SFSWAP: variants seen among roughly 807,000 people sequenced by gnomAD.
The protein encoded by SFSWAP is splicing factor SWAP.
A neutral mutation model predicts 100.7 loss-of-function variants in SFSWAP; 17 were observed. The observed-to-expected ratio is 0.17, with a 90% CI of 0.12 to 0.25. The LOEUF is 0.25. Ranked by LOEUF, SFSWAP falls within the 10% of genes least tolerant of loss-of-function variation. SFSWAP has a pLI of 1.00. For missense variants in SFSWAP, 1,005 were observed against 1,262.6 expected, an observed-to-expected ratio of 0.80 and a Z score of 3.09; for synonymous variants, 504 against 510.1, an observed-to-expected ratio of 0.99 and a Z score of 0.16.
Position 131,719,437 on chromosome 12 carries a change from A to T in SFSWAP, c.521-17A>T. 6.2e-7 allele frequency: 1 copy of T among 1,608,818 alleles called. No homozygotes were observed. Among genetic ancestry groups the T allele is most frequent in the Non-Finnish European group, 8.5e-7 (1 of 1,175,388 alleles). ...TCCCTGCATTGTTCTGAATTTTTTA[A>T]TTTTCTTTTTATGCAGAAAAAAATG... On this transcript the variant is annotated splice_polypyrimidine_tract_variant and intron_variant, in intron 3 of 17. Transcript: ENST00000261674.
intron 13 of SFSWAP, among the ~76,000 whole-genome samples, chr12:131,769,055 A>G: frequency 6.6e-6 from 1 of 152,100 alleles, no homozygotes; most frequent in East Asian, 1.9e-4. Flanking sequence ...TGAACCTGGC[A>G]GGCAGAGGTT....
intron 14 of SFSWAP, chr12:131,785,308 C>T (rs1036352132): frequency 4.7e-5 from 64 of 1,351,836 alleles, no homozygotes; most frequent in Non-Finnish European, 6.0e-5. Flanking sequence ...CGATTCTGTC[C>T]GTTAAAGGGC....
In SFSWAP at chr12:131,711,310, C is replaced by T. The variant is rs114898155; in HGVS notation, c.81C>T (p.Gly27=). Residue 27 remains glycine, a synonymous_variant, in exon 1 of 18, where the codon GGC becomes GGT. Transcript: ENST00000261674. The surrounding 1 kb of genome is among the most constrained non-coding windows in gnomAD (Gnocchi z 4.9). Reference sequence around the variant, plus strand: ...AGGAGGCCGGGCCAGGCGGTGCCGGCGGTGGGGGCAGCCGAGTGGAGCTCT... The same window carrying T: ...AGGAGGCCGGGCCAGGCGGTGCCGGTGGTGGGGGCAGCCGAGTGGAGCTCT... ...AKEEAGPGGA[G]GGGSRVELLV... is the part of the protein sequence containing the mutation. 2,448 of 1,613,258 alleles carry T rather than the reference C, an allele frequency of 1.5e-3. 33 individuals are homozygous for T. In the African/African-American group the frequency reaches 0.029, roughly 19 times the overall value.
chr12:131,731,717 T>C (rs1037957104), intron 7 of SFSWAP, among the ~76,000 whole-genome samples: 5 of 152,148 alleles, frequency 3.3e-5, no homozygotes, highest in East Asian at 3.8e-4. Context: ...GTTCATTATA[T>C]GTAGTTTCCA....
In SFSWAP at chr12:131,753,256, C is replaced by A. The variant is rs1375330076; in HGVS notation, c.1215C>A (p.Ser405=). The A allele has an allele frequency of 6.2e-7, 1 of 1,613,976 alleles. No homozygotes were observed. The highest frequency in any genetic ancestry group is 2.2e-5 in the East Asian group (1 of 44,878). Residue 405 remains serine (S), a synonymous_variant, in exon 8 of 18, where the codon TCC becomes TCA. Coordinates refer to ENST00000261674, the MANE Select transcript of SFSWAP (RefSeq NM_004592.4). ...TLPAGVTVSN[S]PGVTTTAPPP... is the part of the protein sequence containing the mutation. The stretch of plus-strand genomic sequence containing the variant: ...CTGCTGGCGTGACCGTGTCTAACTC[C>A]CCTGGAGTGACGACCACCGCCCCAC...
In SFSWAP at chr12:131,778,344, G is replaced by A. The variant is rs201663438; in HGVS notation, c.2408+14G>A. The A allele has an allele frequency of 4.4e-6, 7 of 1,608,212 alleles. No individual in the cohort carries two copies. The highest frequency in any genetic ancestry group is 1.7e-4 in the Middle Eastern group (1 of 6,026). On this transcript the variant is annotated intron_variant, in intron 14 of 17. Coordinates refer to ENST00000261674, the MANE Select transcript of SFSWAP (RefSeq NM_004592.4). The surrounding 1 kb of genome is among the most constrained non-coding windows in gnomAD (Gnocchi z 4.2). ...GCGGCGGTCGAGGTGGGTGTGAAGG[G>A]GGCAGCACCTCTGGTACCCTCATGA...
intron 6 of SFSWAP, 142 bp from the exon 7 acceptor site, chr12:131,728,151 G>C (rs948241521): frequency 2.2e-5 from 20 of 894,310 alleles, no homozygotes; most frequent in Non-Finnish European, 3.4e-5. Context: ...GCCACAACTC[G>C]TTAGGACCTC....
intron 11 of SFSWAP, among the ~76,000 whole-genome samples, chr12:131,761,849 C>T: frequency 6.6e-6 from 1 of 152,184 alleles, no homozygotes; most frequent in Admixed American, 6.5e-5. Context: ...TGGGAAGCCT[C>T]TCAGTGTCCA....
intron 7 of SFSWAP, among the ~76,000 whole-genome samples, chr12:131,742,621 C>G (rs968510839): frequency 1.4e-5 from 2 of 148,052 alleles, no homozygotes; most frequent in Non-Finnish European, 3.0e-5. Context: ...CAAGTCTTCT[C>G]TTGTTGGGGG....
Position 131,733,863 on chromosome 12 carries a change from C to T in SFSWAP, c.1081+5435C>T, listed in dbSNP as rs375745686. Among the ~76,000 whole-genome samples, 3 of 152,106 alleles carry T rather than the reference C, an allele frequency of 2.0e-5. No individual in the cohort carries two copies. In the East Asian group the frequency reaches 5.8e-4, roughly 29 times the overall value. The stretch of plus-strand genomic sequence containing the variant: ...GGTCCTGGCACCTGCCCCTCCACTC[C>T]CCATGCAGCTTCATCCTCCAGGGCG... On this transcript the variant is annotated intron_variant, in intron 7 of 17. Transcript: ENST00000261674. The surrounding 1 kb of genome is among the most constrained non-coding windows in gnomAD (Gnocchi z 5.1).
intron 14 of SFSWAP, chr12:131,785,846 A>G: frequency 6.5e-6 from 1 of 153,220 alleles, no homozygotes; most frequent in Non-Finnish European, 1.5e-5. Context: ...GCTTCATGCC[A>G]GCGCACCACA....
rs1477253404 is a variant in SFSWAP, at chr12:131,794,878, G to A, written c.2535-2300G>A. ...CAGCAAGGGCTTAGATCAGATTGTA[G>A]CAGAATTGAACCAGTTTGCAGTTAA... On this transcript the variant is annotated intron_variant, in intron 15 of 17. Transcript: ENST00000261674. This position sits in a 1 kb window ranked among gnomAD's most constrained non-coding sequence, Gnocchi z 4.8. 6.6e-6 allele frequency among the ~76,000 whole-genome samples: 1 copy of A among 152,224 alleles called. No individual in the cohort carries two copies. The highest frequency in any genetic ancestry group is 1.9e-4 in the East Asian group (1 of 5,196).
At chr12:131,716,807 A>G (rs894494280) in intron 3 of SFSWAP, among the ~76,000 whole-genome samples, 3 of 152,186 alleles carry the variant, frequency 2.0e-5, no homozygotes, top group African/African-American at 7.2e-5. Context: ...CCTATTCTAG[A>G]TGATGGACCA....
intron 7 of SFSWAP, among the ~76,000 whole-genome samples, chr12:131,748,991 G>A (rs1299891568): frequency 6.6e-6 from 1 of 152,196 alleles, no homozygotes; most frequent in Non-Finnish European, 1.5e-5. Flanking sequence ...GATATATGTG[G>A]TCCCAGCTTA....
intron 13 of SFSWAP, among the ~76,000 whole-genome samples, chr12:131,766,727 C>T (rs568949066): frequency 6.6e-6 from 1 of 152,292 alleles, no homozygotes; most frequent in South Asian, 2.1e-4. Flanking sequence ...GTATCAATGT[C>T]AGCACTTTAA....
Position 131,734,818 on chromosome 12 carries a change from C to T in SFSWAP, c.1081+6390C>T, listed in dbSNP as rs1272940515. 6.7e-6 allele frequency among the ~76,000 whole-genome samples: 1 copy of T among 148,648 alleles called. No individual in the cohort carries two copies. The highest frequency in any genetic ancestry group is 1.5e-5 in the Non-Finnish European group (1 of 67,482). ...CTGCGTGCGCACGTCTACGTACGCTCGTGTATGCTGAGGAGCAGGCATTGG... is the reference window on the plus strand; with the variant it reads ...CTGCGTGCGCACGTCTACGTACGCTTGTGTATGCTGAGGAGCAGGCATTGG... On this transcript the variant is annotated intron_variant, in intron 7 of 17. Transcript: ENST00000261674. This position sits in a 1 kb window ranked among gnomAD's most constrained non-coding sequence, Gnocchi z 4.9.
chr12:131,743,547 TG>T (rs1226776471), intron 7 of SFSWAP, among the ~76,000 whole-genome samples: 1 of 152,216 alleles, frequency 6.6e-6, no homozygotes, highest in East Asian at 1.9e-4. Flanking sequence ...CCCATGGTCT[TG>T]GGCAGCTCCG....
chr12:131,737,254 C>T (rs1329691748), intron 7 of SFSWAP, among the ~76,000 whole-genome samples: 1 of 152,100 alleles, frequency 6.6e-6, no homozygotes, highest in African/African-American at 2.4e-5. Context: ...CTGTTCACGT[C>T]AGAAGGGGAG....
rs912633420 is a variant in SFSWAP at position 131,787,839 on chromosome 12, G to A, written c.2534+1251G>A. On this transcript the variant is annotated intron_variant, in intron 15 of 17. Transcript: ENST00000261674. The stretch of plus-strand genomic sequence containing the variant: ...CGTGCTGCGGTTGGCCTAGTACCAC[G>A]GTTCCCTCCGTTGACAAGATGTGAT... Among the ~76,000 whole-genome samples, 18 of 152,182 alleles carry A rather than the reference G, an allele frequency of 1.2e-4. No homozygotes were observed. The South Asian group carries it at 1.7e-3, about 14-fold the overall frequency.
Sources: gnomAD v4.1 joint callset for allele counts (sites outside exome capture counted in the v4.1 genomes callset) on GRCh38, gnomAD v4.1.1 for gene constraint, Gnocchi (gnomAD v3.1) non-coding constraint, MANE v1.5 for transcripts, NCBI Gene and HGNC (gene_info 2026-07-23, HGNC 2026-07-21) for gene names.